Variants in SHOC1 observed in about 807,000 individuals in gnomAD.
SHOC1 encodes protein shortage in chiasmata 1 ortholog.
A neutral mutation model predicts 179.2 loss-of-function variants in SHOC1; 136 were observed. That is an observed-to-expected ratio of 0.76 (90% CI 0.66 to 0.87). The LOEUF (loss-of-function observed/expected upper bound fraction) is 0.87, where lower values mean the gene tolerates loss of function less well. Among genes scored for constraint, SHOC1 ranks in the 40% least tolerant of loss-of-function variants. The probability of loss-of-function intolerance (pLI) is 0.00; values close to 1 mark genes in which losing one functional copy is unlikely to be tolerated. For missense variants in SHOC1, 1,538 were observed against 1,700.8 expected, an observed-to-expected ratio of 0.90 and a Z score of 1.68; for synonymous variants, 489 against 586.6, an observed-to-expected ratio of 0.83 and a Z score of 2.41.
At chr9:111,734,867 G>T (rs921287427) in intron 12 of SHOC1, among the ~76,000 whole-genome samples, 7 of 152,144 alleles carry the variant, frequency 4.6e-5, no homozygotes, top group Admixed American at 3.9e-4. Flanking sequence ...GGGCAGGTTT[G>T]TTACCTGGGT....
intron 27 of SHOC1, among the ~76,000 whole-genome samples, chr9:111,690,764 CCTGTA>C (rs1414390375): frequency 6.6e-6 from 1 of 152,098 alleles, no homozygotes; most frequent in Non-Finnish European, 1.5e-5. Context: ...CATTACAAGT[CCTGTA>C]GCTTATACAA....
intron 13 of SHOC1, among the ~76,000 whole-genome samples, chr9:111,725,301 A>G (rs1010384006): frequency 6.6e-6 from 1 of 152,180 alleles, no homozygotes; most frequent in Non-Finnish European, 1.5e-5. Flanking sequence ...TAAGACAAAA[A>G]GTAAAATATA....
At chr9:111,786,668 A>G (rs984092720) in intron 2 of SHOC1, among the ~76,000 whole-genome samples, 2 of 152,142 alleles carry the variant, frequency 1.3e-5, no homozygotes, top group Admixed American at 6.6e-5. Context: ...TCTATATGTT[A>G]TGATAATCTG....
chr9:111,705,424 T>TC (rs1832221452), intron 20 of SHOC1, 60 bp from the exon 21 acceptor site: 14 of 353,886 alleles, frequency 4.0e-5, no homozygotes, highest in Middle Eastern at 1.0e-3. Context: ...GCTCTTTCTC[T>TC]TTTTTTTTTT....
intron 27 of SHOC1, 74 bp downstream of exon 27, chr9:111,691,477 G>T: frequency 1.0e-5 from 14 of 1,401,436 alleles, no homozygotes; most frequent in East Asian, 2.4e-5. Flanking sequence ...CAAAAAAAAT[G>T]TTAAATTTGG....
intron 27 of SHOC1, 51 bp downstream of exon 27, chr9:111,691,500 C>T: frequency 6.8e-7 from 1 of 1,480,032 alleles, no homozygotes; most frequent in Non-Finnish European, 9.0e-7. Flanking sequence ...ATGATTTTAT[C>T]TTTTAAAATT....
At position 111,758,095 on chromosome 9, in the gene SHOC1, A is replaced by T. The variant is rs769111015; in HGVS notation, c.697T>A (p.Cys233Ser). The T allele has an allele frequency of 6.6e-7, 1 of 1,509,592 alleles. No homozygotes were observed. The highest frequency in any genetic ancestry group is 1.2e-5 in the South Asian group (1 of 80,980). The allele number at this position is 1,509,592 out of a possible 1,614,324, so 93.5% of individuals were successfully genotyped here. The change falls in exon 7 of 28, where the codon TGT becomes AGT. Residue 233 changes from cysteine to serine, a missense_variant. Cys to Ser is a moderately radical substitution (Grantham distance 112, BLOSUM62 -1). Coordinates refer to ENST00000682961, the MANE Select transcript of SHOC1 (RefSeq NM_001378211.1). ...FCQEKLEDTI[C>S]LNEPSSFLIE... ...GCCAGTATTACAACCTCATTTAAAC[A>T]TATTGTATCTTCTAGTTTCTCTTGA...
intron 8 of SHOC1, among the ~76,000 whole-genome samples, chr9:111,751,052 T>C (rs1264668004): frequency 6.6e-6 from 1 of 152,218 alleles, no homozygotes; most frequent in East Asian, 1.9e-4. Context: ...AGTTTCAGTT[T>C]TCTGCATATA....
intron 16 of SHOC1, among the ~76,000 whole-genome samples, chr9:111,716,591 A>T (rs907334536): frequency 1.3e-5 from 2 of 152,016 alleles, no homozygotes; most frequent in Non-Finnish European, 2.9e-5. Context: ...GGGTTTCACC[A>T]TGTTGGCCAG....
chr9:111,785,850 T>G, intron 3 of SHOC1, 62 bp downstream of exon 3: 4 of 1,309,494 alleles, frequency 3.1e-6, no homozygotes, highest in Middle Eastern at 1.9e-4. Flanking sequence ...CTTAATAATT[T>G]GCTGTGCTAA....
chr9:111,692,624 C>T (rs553897581), intron 26 of SHOC1, 113 bp from the exon 27 acceptor site: 2 of 650,374 alleles, frequency 3.1e-6, no homozygotes, highest in Non-Finnish European at 4.9e-6. Flanking sequence ...ATAGATATTA[C>T]ATTGATCCAG....
chr9:111,688,657 G>A (rs982390558), intron 27 of SHOC1, among the ~76,000 whole-genome samples: 5 of 151,820 alleles, frequency 3.3e-5, no homozygotes, highest in African/African-American at 1.2e-4. Context: ...CCAACAACAT[G>A]AGAAAAACCC....
chr9:111,758,558 C>T (rs1187481795), intron 6 of SHOC1, 137 bp downstream of exon 6: 2 of 781,202 alleles, frequency 2.6e-6, no homozygotes, highest in Non-Finnish European at 1.9e-6. Context: ...CATTGTACTC[C>T]AGCCTGGGCG....
intron 12 of SHOC1, among the ~76,000 whole-genome samples, chr9:111,732,895 A>G (rs1299371660): frequency 1.3e-5 from 2 of 152,154 alleles, no homozygotes; most frequent in Non-Finnish European, 2.9e-5. Context: ...AATTCATCAA[A>G]CTGTACAGTT....
chr9:111,738,023 AT>A, intron 12 of SHOC1: 1 of 420,578 alleles, frequency 2.4e-6, no homozygotes, highest in Non-Finnish European at 4.2e-6. Context: ...TTAAATGAAA[AT>A]GGCTAGAAAT....
At chr9:111,753,130 A>G (rs1834674857) in intron 8 of SHOC1, among the ~76,000 whole-genome samples, 1 of 152,340 alleles carries the variant, frequency 6.6e-6, no homozygotes, top group South Asian at 2.1e-4. Flanking sequence ...TTTAAACTAT[A>G]TATCTTTGTA....
At position 111,723,855 on chromosome 9, in the gene SHOC1, T is replaced by C. The variant is rs1403470570; in HGVS notation, c.1891A>G (p.Lys631Glu). ...QEESPIVHIN[K>E]TLEEINQERG... ...TCCTGATTTATTTCCTCCAGGGTTT[T>C]ATTAATATGAACAATAGGACTTTCT... Residue 631 changes from lysine to glutamate, a missense_variant, in exon 14 of 28, where the codon AAA becomes GAA. Coordinates refer to ENST00000682961, the MANE Select transcript of SHOC1 (RefSeq NM_001378211.1). 3.1e-6 allele frequency: 5 copies of C among 1,599,892 alleles called. No individual in the cohort carries two copies. Among genetic ancestry groups the C allele is most frequent in the Non-Finnish European group, 4.3e-6 (5 of 1,168,084 alleles).
intron 4 of SHOC1, among the ~76,000 whole-genome samples, chr9:111,779,450 G>A (rs1385950016): frequency 6.6e-6 from 1 of 152,026 alleles, no homozygotes; most frequent in Non-Finnish European, 1.5e-5. Context: ...CACCAAACTA[G>A]CCTAATTATT....
intron 5 of SHOC1, among the ~76,000 whole-genome samples, chr9:111,773,719 G>A (rs1265205222): frequency 6.6e-6 from 1 of 152,158 alleles, no homozygotes; most frequent in Non-Finnish European, 1.5e-5. Flanking sequence ...CAAATAATAT[G>A]TGAACATTGT....
Sources: allele counts gnomAD v4.1 joint callset (sites outside exome capture counted in the v4.1 genomes callset), GRCh38; gene constraint gnomAD v4.1.1; transcripts MANE v1.5; gene names NCBI Gene and HGNC (gene_info 2026-07-23, HGNC 2026-07-21).